CHSY1: variants seen among roughly 807,000 people sequenced by gnomAD.
CHSY1 encodes chondroitin sulfate synthase 1, also known as N-acetylgalactosaminyl-proteoglycan 3-beta-glucuronosyltransferase 1.
Under a neutral mutation model 59.8 loss-of-function variants are expected in CHSY1, and 13 were observed. The ratio of observed to expected loss-of-function variants is 0.22; its 90% confidence interval spans 0.14 to 0.35. The LOEUF (loss-of-function observed/expected upper bound fraction) is 0.35, where lower values mean the gene tolerates loss of function less well. CHSY1 is among the 10% of genes least tolerant of loss of function. The pLI, the probability that CHSY1 is intolerant of heterozygous loss-of-function variation, is 1.00. For synonymous variants in CHSY1, 459 were observed against 401.2 expected (o/e 1.14, Z -1.72); for missense variants, 947 against 1,030.6 (o/e 0.92, Z 1.11).
intron 2 of CHSY1, among the ~76,000 whole-genome samples, chr15:101,219,872 T>C (rs1002319876): frequency 1.3e-5 from 2 of 152,176 alleles, no homozygotes; most frequent in Non-Finnish European, 1.5e-5. Flanking sequence ...GTTCAAGCAA[T>C]TATCCTGCCT....
intron 2 of CHSY1, among the ~76,000 whole-genome samples, chr15:101,198,775 G>A (rs2141252134): frequency 6.6e-6 from 1 of 152,300 alleles, no homozygotes; most frequent in Middle Eastern, 3.4e-3. Flanking sequence ...CTTCTACTGG[G>A]ACACAGTTAC....
intron 1 of CHSY1, chr15:101,242,662 T>C (rs1435016142): frequency 6.6e-6 from 1 of 152,304 alleles, no homozygotes; most frequent in Non-Finnish European, 1.5e-5. Context: ...GGAGGGGTCT[T>C]TCAAGGCCAC....
At position 101,251,771 on chromosome 15, in the gene CHSY1, C is replaced by G. The variant is rs888336689; in HGVS notation, c.-315G>C. ...CCCGCTCGCGCGCGGGGACGCGGGGCCGGCACGACGGCGACGACGGCGGCG... is the reference window on the plus strand; with the variant it reads ...CCCGCTCGCGCGCGGGGACGCGGGGGCGGCACGACGGCGACGACGGCGGCG... On this transcript the variant is annotated 5_prime_UTR_variant, in exon 1 of 3. Coordinates refer to ENST00000254190, the MANE Select transcript of CHSY1 (RefSeq NM_014918.5). The G allele has an allele frequency of 6.7e-6, 1 of 149,658 alleles. No homozygotes were observed. Among genetic ancestry groups the G allele is most frequent in the African/African-American group, 2.4e-5 (1 of 41,120 alleles). The allele number at this position is 149,658 out of a possible 1,614,324, so 9.3% of individuals were successfully genotyped here. A position where few individuals can be genotyped will look rare whatever the true frequency, so the allele number is the denominator to read the frequency against.
Position 101,175,952 on chromosome 15 carries a change from A to G in CHSY1, c.*1436T>C, listed in dbSNP as rs1322584484. 3.9e-6 allele frequency: 1 copy of G among 253,576 alleles called. No individual in the cohort carries two copies. Among genetic ancestry groups the G allele is most frequent in the East Asian group, 7.1e-5 (1 of 13,996 alleles). 15.7% of individuals were successfully genotyped at this position (253,576 alleles called of 1,614,324 possible). ...TAAATGAAAACAAATTTATTAAGGC[A>G]CATTTGATCTGAGAATTTAACTTTC... is the stretch of plus-strand genomic sequence containing the variant. On this transcript the variant is annotated 3_prime_UTR_variant, in exon 3 of 3. Coordinates refer to ENST00000254190, the MANE Select transcript of CHSY1 (RefSeq NM_014918.5).
chr15:101,229,014 T>C (rs190083039), intron 2 of CHSY1, among the ~76,000 whole-genome samples: 260 of 152,318 alleles, frequency 1.7e-3, no homozygotes, highest in African/African-American at 5.7e-3. Context: ...TTTACTACTG[T>C]TATTAAGTTG....
chr15:101,217,729 A>T (rs2038748928), intron 2 of CHSY1, among the ~76,000 whole-genome samples: 1 of 152,240 alleles, frequency 6.6e-6, no homozygotes, highest in Non-Finnish European at 1.5e-5. Context: ...ATGGGGCCAT[A>T]TTGACATAAC....
intron 1 of CHSY1, among the ~76,000 whole-genome samples, chr15:101,241,972 T>A (rs1014063901): frequency 6.6e-6 from 1 of 152,224 alleles, no homozygotes; most frequent in Non-Finnish European, 1.5e-5. Flanking sequence ...AGATTACTCA[T>A]AATACCTAAT....
At chr15:101,184,377 T>C (rs1055384571) in intron 2 of CHSY1, among the ~76,000 whole-genome samples, 1 of 151,132 alleles carries the variant, frequency 6.6e-6, no homozygotes, top group Non-Finnish European at 1.5e-5. Flanking sequence ...GTTACATATA[T>C]ATATAATTTT....
intron 2 of CHSY1, among the ~76,000 whole-genome samples, chr15:101,224,434 A>G (rs1166242927): frequency 6.6e-6 from 1 of 152,264 alleles, no homozygotes; most frequent in Non-Finnish European, 1.5e-5. Flanking sequence ...GTCAATTAAC[A>G]AAAACATAAC....
intron 2 of CHSY1, among the ~76,000 whole-genome samples, chr15:101,221,198 A>T (rs774670049): frequency 1.3e-5 from 2 of 152,208 alleles, no homozygotes; most frequent in Non-Finnish European, 2.9e-5. Context: ...AATTTTTAAA[A>T]ATATATATTA....
intron 2 of CHSY1, chr15:101,187,542 T>G (rs2038386791): frequency 6.6e-6 from 1 of 152,136 alleles, no homozygotes; most frequent in African/African-American, 2.4e-5. Context: ...AGTACCAAAT[T>G]CAAAGTTTAA....
chr15:101,234,944 C>T, intron 2 of CHSY1, 138 bp downstream of exon 2: 5 of 1,142,058 alleles, frequency 4.4e-6, no homozygotes, highest in Admixed American at 2.4e-5. Flanking sequence ...TTTTTTTAAT[C>T]TAAGGCTAAA....
chr15:101,237,149 G>C (rs555893131), intron 1 of CHSY1, among the ~76,000 whole-genome samples: 3 of 148,560 alleles, frequency 2.0e-5, no homozygotes, highest in Non-Finnish European at 4.4e-5. Context: ...GCTTGAACCC[G>C]GGAGGCAGAG....
At chr15:101,249,167 C>T (rs564899173) in intron 1 of CHSY1, among the ~76,000 whole-genome samples, 9 of 151,798 alleles carry the variant, frequency 5.9e-5, no homozygotes, top group African/African-American at 1.9e-4. Context: ...ATATTGATAC[C>T]GTAACCATGA....
chr15:101,197,080 G>A (rs2038516202), intron 2 of CHSY1, among the ~76,000 whole-genome samples: 1 of 152,138 alleles, frequency 6.6e-6, no homozygotes, highest in Non-Finnish European at 1.5e-5. Context: ...CAAAGAAAGT[G>A]GCATTATGCA....
Position 101,216,351 on chromosome 15 carries a change from TAAAC to T in CHSY1, c.816+18727_816+18730del, listed in dbSNP as rs2038732008. On this transcript the variant is annotated intron_variant, in intron 2 of 2. Transcript: ENST00000254190. ...AAAGTTTGGCAGTTTCTTACAAAGC[TAAAC>T]ATAGTCTTATATACAATCCAGCAGT... Among the ~76,000 whole-genome samples, 5 of 152,364 alleles carry T rather than the reference TAAAC, an allele frequency of 3.3e-5. No homozygotes were observed. In the South Asian group the frequency reaches 1.0e-3, roughly 32 times the overall value.
chr15:101,200,225 TG>T lies in CHSY1; in HGVS notation c.817-21246del, dbSNP rs371037376. On this transcript the variant is annotated intron_variant, in intron 2 of 2. Coordinates refer to ENST00000254190, the MANE Select transcript of CHSY1 (RefSeq NM_014918.5). ...CAGTTTACTTCCAGAATAACTTTTT[TG>T]ATTTTCATTTTAAAGAGTATCCACG... 2.1e-3 allele frequency among the ~76,000 whole-genome samples: 317 copies of T among 152,360 alleles called. 2 individuals are homozygous for T. Among genetic ancestry groups the T allele is most frequent in the African/African-American group, 7.4e-3 (308 of 41,588 alleles).
rs2039120393 is a variant in CHSY1 at position 101,251,913 on chromosome 15, A to G, written c.-457T>C. ...GCCGGCGCCGCCGCCGCAGCTGCAC[A>G]TCCTCCGGCTTAGCTCGCCATTGCA... On this transcript the variant is annotated 5_prime_UTR_variant, in exon 1 of 3. An upstream start codon of the reference 5' UTR is lost. Coordinates refer to ENST00000254190, the MANE Select transcript of CHSY1 (RefSeq NM_014918.5). The G allele has an allele frequency of 6.6e-6, 1 of 150,790 alleles. No individual in the cohort carries two copies. Among genetic ancestry groups the G allele is most frequent in the African/African-American group, 2.4e-5 (1 of 41,170 alleles). The allele number at this position is 150,790 out of a possible 1,614,324, so 9.3% of individuals were successfully genotyped here.
intron 2 of CHSY1, among the ~76,000 whole-genome samples, chr15:101,207,835 C>T (rs1268785703): frequency 6.6e-6 from 1 of 152,182 alleles, no homozygotes; most frequent in African/African-American, 2.4e-5. Flanking sequence ...GCCCCTGCCC[C>T]ACCCGTTGTC....
Sources: gnomAD v4.1 joint callset for allele counts (sites outside exome capture counted in the v4.1 genomes callset) on GRCh38, gnomAD v4.1.1 for gene constraint, MANE v1.5 for transcripts, NCBI Gene and HGNC (gene_info 2026-07-23, HGNC 2026-07-21) for gene names.